CFAP47: variants seen among roughly 807,000 people sequenced by gnomAD.
The protein encoded by CFAP47 is cilia- and flagella-associated protein 47.
In CFAP47, 29 loss-of-function variants were observed where a neutral mutation model predicts 148.1. That is an observed-to-expected ratio of 0.20 (90% CI 0.15 to 0.27). The LOEUF (loss-of-function observed/expected upper bound fraction) is 0.27. Ranked by LOEUF, CFAP47 falls within the 10% of genes least tolerant of loss-of-function variation. The pLI is 1.00. For missense variants in CFAP47, 1,872 were observed against 1,697.5 expected (o/e 1.10, Z -1.81); for synonymous variants, 664 against 577.3 (o/e 1.15, Z -2.15).
chrX:36,181,201 A>G (rs945848951), intron 40 of CFAP47, among the ~76,000 whole-genome samples: 1 of 111,895 alleles, frequency 8.9e-6, no homozygotes, highest in Non-Finnish European at 1.9e-5. Context: ...AAAATTGAGT[A>G]TACTTTCAGG....
At chrX:36,059,259 C>T (rs1472822611) in intron 26 of CFAP47, among the ~76,000 whole-genome samples, 1 of 111,686 alleles carries the variant, frequency 9.0e-6, no homozygotes, top group East Asian at 2.8e-4. Flanking sequence ...TTGGATAGGT[C>T]ATTCCTGTCT....
chrX:36,130,690 G>A (rs1938931802), intron 33 of CFAP47, among the ~76,000 whole-genome samples: 1 of 110,812 alleles, frequency 9.0e-6, no homozygotes. Flanking sequence ...TCCATCAGCA[G>A]TTGAATAGAT....
At chrX:36,211,705 G>A (rs1199523140) in intron 45 of CFAP47, 1 of 194,770 alleles carries the variant, frequency 5.1e-6, no homozygotes. Flanking sequence ...AAGATCAAGG[G>A]GAGGAAGAAG....
intron 30 of CFAP47, 149 bp downstream of exon 30, chrX:36,085,687 ATATATAT>A: frequency 5.3e-6 from 1 of 189,057 alleles, no homozygotes; most frequent in Non-Finnish European, 9.5e-6. Flanking sequence ...ACACACGTAT[ATATATAT>A]TATATATATA....
chrX:36,144,900 G>A lies in CFAP47; in HGVS notation c.5536-319G>A. On this transcript the variant is annotated intron_variant, in intron 35 of 63. Coordinates refer to ENST00000378653, the MANE Select transcript of CFAP47 (RefSeq NM_001304548.2). ...TCGGCCTCAGAATGGGGCCTGCACT[G>A]TAGCTTCCCTGGTTTGGGGGATTTG... The A allele has an allele frequency of 7.6e-6, 7 of 916,244 alleles. No individual in the cohort carries two copies. The South Asian group carries it at 1.7e-4, about 22-fold the overall frequency. 75.5% of individuals were successfully genotyped at this position (916,244 alleles called of 1,213,427 possible).
chrX:36,079,491 A>G (rs1937931709), intron 29 of CFAP47, among the ~76,000 whole-genome samples: 1 of 111,444 alleles, frequency 9.0e-6, no homozygotes, highest in Non-Finnish European at 1.9e-5. Flanking sequence ...TTGTGCATGC[A>G]TCACGTAGTT....
chrX:36,248,523 C>CAA (rs1555997601), intron 48 of CFAP47, among the ~76,000 whole-genome samples: 4 of 105,394 alleles, frequency 3.8e-5, no homozygotes, highest in Non-Finnish European at 5.9e-5. Context: ...CACACACACA[C>CAA]AACAACAGAG....
chrX:36,269,005 C>T (rs1292639580), intron 49 of CFAP47, among the ~76,000 whole-genome samples: 1 of 111,659 alleles, frequency 9.0e-6, no homozygotes, highest in Non-Finnish European at 1.9e-5. Context: ...GAAGAATTGG[C>T]TCTTAAATCT....
chrX:36,197,668 A>G (rs1263924624), intron 42 of CFAP47, among the ~76,000 whole-genome samples: 1 of 112,225 alleles, frequency 8.9e-6, no homozygotes, highest in Non-Finnish European at 1.9e-5. Context: ...TTGCTTGTAA[A>G]GTACGTGGCT....
chrX:36,111,307 A>G (rs1246441365), intron 33 of CFAP47, among the ~76,000 whole-genome samples: 1 of 111,947 alleles, frequency 8.9e-6, no homozygotes, highest in African/African-American at 3.2e-5. Context: ...AGTTTTTGAC[A>G]TGAAGTCATG....
At chrX:36,245,372 C>T (rs1555996877) in intron 48 of CFAP47, among the ~76,000 whole-genome samples, 2 of 111,624 alleles carry the variant, frequency 1.8e-5, no homozygotes, top group African/African-American at 6.5e-5. Flanking sequence ...AAAAGGCATC[C>T]AAATGACAAA....
At chrX:36,167,559 G>A (rs1939507490) in intron 39 of CFAP47, among the ~76,000 whole-genome samples, 1 of 111,334 alleles carries the variant, frequency 9.0e-6, no homozygotes, top group Admixed American at 9.6e-5. Flanking sequence ...GTGCTGGGTA[G>A]AAGAAAAGAG....
chrX:35,951,752 T>A (rs1936168906), intron 5 of CFAP47, 51 bp from the exon 6 acceptor site: 2 of 1,027,981 alleles, frequency 1.9e-6, no homozygotes, highest in Non-Finnish European at 2.5e-6. Flanking sequence ...TCCTCAAAAA[T>A]TTTTTTGTGT....
chrX:35,988,663 A>G (rs1280107456), intron 15 of CFAP47, among the ~76,000 whole-genome samples: 1 of 112,029 alleles, frequency 8.9e-6, no homozygotes, highest in Admixed American at 9.5e-5. Context: ...TTCCGAAGGA[A>G]GAACATCTAA....
Position 36,104,568 on chromosome X carries a change from C to A in CFAP47, c.5197C>A (p.Pro1733Thr). The A allele has an allele frequency of 9.8e-7, 1 of 1,016,146 alleles. No individual in the cohort carries two copies. Among genetic ancestry groups the A allele is most frequent in the Non-Finnish European group, 1.4e-6 (1 of 726,913 alleles). The allele number at this position is 1,016,146 out of a possible 1,213,427, so 83.7% of individuals were successfully genotyped here. A position where few individuals can be genotyped will look rare whatever the true frequency, so the allele number is the denominator to read the frequency against. Residue 1733 changes from proline (P) to threonine (T), a missense_variant, in exon 33 of 64, where the codon CCA (proline) becomes ACA (threonine). Coordinates refer to ENST00000378653, the MANE Select transcript of CFAP47 (RefSeq NM_001304548.2). ...NMPPICVQNT[P>T]KVNPCFASSN... is the part of the protein sequence containing the mutation. ...GCCCCCCATATGTGTGCAAAATACACCAAAAGTCAATCCTTGTTTTGCATC... is the reference window on the plus strand; with the variant it reads ...GCCCCCCATATGTGTGCAAAATACAACAAAAGTCAATCCTTGTTTTGCATC...
intron 51 of CFAP47, among the ~76,000 whole-genome samples, chrX:36,293,358 A>G (rs1452327127): frequency 7.1e-5 from 8 of 112,406 alleles, no homozygotes; most frequent in Non-Finnish European, 1.3e-4. Flanking sequence ...CTAAATTTGC[A>G]ATGGCTAAAC....
chrX:36,098,056 C>T lies in CFAP47; in HGVS notation c.4917-737C>T, dbSNP rs755123655. On this transcript the variant is annotated intron_variant, in intron 30 of 63. Transcript: ENST00000378653. ...TTTTTAAATAGCCTGTCTTCAAGCT[C>T]ACTTTTTCTTCTGCTTAATCAATTC... Among the ~76,000 whole-genome samples, 3 of 111,684 alleles carry T rather than the reference C, an allele frequency of 2.7e-5. No homozygotes were observed. The South Asian group carries it at 1.1e-3, about 41-fold the overall frequency.
chrX:35,973,577 G>A (rs1013280579), intron 13 of CFAP47, among the ~76,000 whole-genome samples: 1 of 108,515 alleles, frequency 9.2e-6, no homozygotes, highest in Non-Finnish European at 1.9e-5. Flanking sequence ...ATGTAGATAT[G>A]CCTGCAACTT....
intron 33 of CFAP47, among the ~76,000 whole-genome samples, chrX:36,110,882 A>G (rs1482674351): frequency 9.0e-6 from 1 of 111,635 alleles, no homozygotes; most frequent in Non-Finnish European, 1.9e-5. Flanking sequence ...ATGTGATTAC[A>G]TTCCTGATTT....
Sources: allele counts gnomAD v4.1 joint callset (sites outside exome capture counted in the v4.1 genomes callset), GRCh38; gene constraint gnomAD v4.1.1; transcripts MANE v1.5; gene names NCBI Gene and HGNC (gene_info 2026-07-23, HGNC 2026-07-21).